Variants in CATSPERT observed in about 807,000 individuals in gnomAD.
The protein encoded by CATSPERT is catsper channel auxiliary subunit tau.
chr2:201,615,174 A>G, the CATSPERT span, among the ~76,000 whole-genome samples: 1 of 152,322 alleles, frequency 6.6e-6, no homozygotes, highest in South Asian at 2.1e-4. Flanking sequence ...AAGGATATCC[A>G]GGAATTGAAC....
chr2:201,565,524 A>G, the CATSPERT span, among the ~76,000 whole-genome samples: 1 of 152,216 alleles, frequency 6.6e-6, no homozygotes, highest in Admixed American at 6.5e-5. Context: ...TTTCTTTGGC[A>G]TAACACTTTT....
the CATSPERT span, chr2:201,492,561 TG>T: frequency 6.5e-7 from 1 of 1,534,936 alleles, no homozygotes; most frequent in Non-Finnish European, 8.7e-7. Flanking sequence ...AAGATATGTT[TG>T]GGTATATAGT....
the CATSPERT span, among the ~76,000 whole-genome samples, chr2:201,548,325 T>C: frequency 1.3e-5 from 2 of 152,140 alleles, no homozygotes; most frequent in Non-Finnish European, 2.9e-5. Flanking sequence ...TATCCTCACA[T>C]AGTGGAAAGA....
the CATSPERT span, chr2:201,536,268 G>A: frequency 9.3e-6 from 15 of 1,612,714 alleles, no homozygotes; most frequent in Non-Finnish European, 1.2e-5. Context: ...ATCTTGGTCC[G>A]ATTGGTTCAA....
the CATSPERT span, among the ~76,000 whole-genome samples, chr2:201,536,836 C>T: frequency 6.6e-6 from 1 of 151,856 alleles, no homozygotes; most frequent in African/African-American, 2.4e-5. Context: ...TCTCCTTGAA[C>T]TGCGGAAAAC....
chr2:201,608,846 G>C, the CATSPERT span, among the ~76,000 whole-genome samples: 949 of 135,248 alleles, frequency 7.0e-3, 6 homozygotes, highest in Non-Finnish European at 0.011. Context: ...AACAAACAAA[G>C]AAAGAAAGAA....
At chr2:201,564,951 G>A in the CATSPERT span, among the ~76,000 whole-genome samples, 1 of 151,612 alleles carries the variant, frequency 6.6e-6, no homozygotes, top group Non-Finnish European at 1.5e-5. Context: ...AAAAATGAAG[G>A]GAAATTCCAT....
chr2:201,538,769 A>G, the CATSPERT span, among the ~76,000 whole-genome samples: 10 of 152,190 alleles, frequency 6.6e-5, no homozygotes, highest in East Asian at 1.5e-3. Flanking sequence ...ATCACCAGGT[A>G]TTAAGCCTAT....
chr2:201,579,618 T>C, the CATSPERT span, among the ~76,000 whole-genome samples: 2 of 151,966 alleles, frequency 1.3e-5, no homozygotes, highest in Admixed American at 6.6e-5. Context: ...CGAATCTGTA[T>C]TCAGTCAAAT....
the CATSPERT span, among the ~76,000 whole-genome samples, chr2:201,618,389 GATGAGTTCATGTCCT>G: frequency 1.3e-5 from 2 of 152,124 alleles, no homozygotes; most frequent in Non-Finnish European, 2.9e-5. Context: ...ATATAAAAAG[GATGAGTTCATGTCCT>G]TTGTGGGGTC....
the CATSPERT span, chr2:201,556,004 C>T: frequency 6.6e-6 from 1 of 152,172 alleles, no homozygotes; most frequent in Non-Finnish European, 1.5e-5. Context: ...TCTGCTACTC[C>T]TATCACTTAA....
At chr2:201,503,049 G>T in the CATSPERT span, among the ~76,000 whole-genome samples, 3 of 151,368 alleles carry the variant, frequency 2.0e-5, no homozygotes, top group Non-Finnish European at 2.9e-5. Flanking sequence ...ATTCCTTTGG[G>T]GTTAATTATA....
At chr2:201,587,321 G>A in the CATSPERT span, among the ~76,000 whole-genome samples, 74 of 151,680 alleles carry the variant, frequency 4.9e-4, no homozygotes, top group Non-Finnish European at 1.0e-3. Flanking sequence ...GTATATCTGG[G>A]CTTCTATCTG....
chr2:201,571,880 G>A, the CATSPERT span: 1 of 1,477,138 alleles, frequency 6.8e-7, no homozygotes, highest in Middle Eastern at 1.7e-4. Context: ...CCACCAAATG[G>A]ATTAAAATTG....
At chr2:201,521,519 T>A in the CATSPERT span, among the ~76,000 whole-genome samples, 1 of 152,084 alleles carries the variant, frequency 6.6e-6, no homozygotes, top group African/African-American at 2.4e-5. Context: ...TCACTCACTA[T>A]CATGAGAACA....
chr2:201,541,025 AG>A, the CATSPERT span, among the ~76,000 whole-genome samples: 2 of 152,218 alleles, frequency 1.3e-5, no homozygotes, highest in Non-Finnish European at 2.9e-5. Flanking sequence ...CAGTAGAGAA[AG>A]TAACTACAGA....
At chr2:201,517,722 G>A in the CATSPERT span, among the ~76,000 whole-genome samples, 15 of 152,316 alleles carry the variant, frequency 9.8e-5, no homozygotes, top group African/African-American at 1.9e-4. Flanking sequence ...CAGGATGTCC[G>A]TGTTCTTGAA....
chr2:201,536,337 T>A, the CATSPERT span: 1 of 1,563,838 alleles, frequency 6.4e-7, no homozygotes, highest in South Asian at 1.2e-5. Context: ...AATACAGCAA[T>A]AAAACAAACT....
chr2:201,574,354 C>T, the CATSPERT span: 2 of 1,253,170 alleles, frequency 1.6e-6, no homozygotes, highest in Non-Finnish European at 2.2e-6. Flanking sequence ...ATATTTTTAC[C>T]TTACAAATCT....
Sources: allele counts gnomAD v4.1 joint callset (sites outside exome capture counted in the v4.1 genomes callset), GRCh38; gene constraint gnomAD v4.1.1; transcripts MANE v1.5; gene names NCBI Gene and HGNC (gene_info 2026-07-23, HGNC 2026-07-21).